CTNNBL1: variants seen among roughly 807,000 people sequenced by gnomAD.
The protein encoded by CTNNBL1 is catenin beta like 1.
A neutral mutation model predicts 72.7 loss-of-function variants in CTNNBL1; 31 were observed. The ratio of observed to expected loss-of-function variants is 0.43; its 90% CI spans 0.32 to 0.58. The LOEUF (loss-of-function observed/expected upper bound fraction) is 0.58, where lower values mean the gene tolerates loss of function less well. CTNNBL1 is among the 20% of genes least tolerant of loss of function. CTNNBL1 has a pLI of 0.08. For synonymous variants in CTNNBL1, 240 were observed against 267.3 expected (o/e 0.90, Z 1.00); for missense variants, 534 against 725.1 (o/e 0.74, Z 3.03).
At chr20:37,787,124 ATT>A (rs556666829) in intron 10 of CTNNBL1, among the ~76,000 whole-genome samples, 23 of 129,168 alleles carry the variant, frequency 1.8e-4, no homozygotes, top group East Asian at 2.2e-4. Context: ...TATCCTTAGC[ATT>A]TTTTTTTTTT....
At chr20:37,839,310 T>C (rs2072281445) in intron 11 of CTNNBL1, among the ~76,000 whole-genome samples, 1 of 152,224 alleles carries the variant, frequency 6.6e-6, no homozygotes. Context: ...TGTTTGTTGT[T>C]CACACTGTGA....
intron 1 of CTNNBL1, among the ~76,000 whole-genome samples, chr20:37,721,945 A>G (rs1159217917): frequency 1.3e-5 from 2 of 152,186 alleles, no homozygotes; most frequent in African/African-American, 4.8e-5. Context: ...GTATTCATTT[A>G]TTCTCCTCTG....
intron 4 of CTNNBL1, 57 bp downstream of exon 4, chr20:37,746,664 A>G: frequency 6.3e-7 from 1 of 1,593,022 alleles, no homozygotes; most frequent in Non-Finnish European, 8.6e-7. Flanking sequence ...AAGTGCTGTT[A>G]CTCTTTCTCC....
chr20:37,770,619 C>T (rs1231882837), intron 7 of CTNNBL1, among the ~76,000 whole-genome samples: 1 of 151,630 alleles, frequency 6.6e-6, no homozygotes, highest in Admixed American at 6.6e-5. Flanking sequence ...GGCTTGGATG[C>T]CGTTACCCTT....
In CTNNBL1 at chr20:37,871,952, G is replaced by A. The variant is rs145282312; in HGVS notation, c.1631G>A (p.Arg544Gln). 2.0e-5 allele frequency: 32 copies of A among 1,613,914 alleles called. No homozygotes were observed. In the African/African-American group the frequency reaches 3.3e-4, roughly 17 times the overall value. The change falls in exon 16 of 16, where the codon CGG (arginine) becomes CAG (glutamine). Residue 544 changes from arginine to glutamine, a missense_variant. Physicochemically the swap from Arg to Gln is conservative, Grantham distance 43. Coordinates refer to ENST00000361383, the MANE Select transcript of CTNNBL1 (RefSeq NM_030877.5). ...TATGCAGAGAACATCGGGGACGGCC[G>A]GAGCCCGGAGTTCCGGGAGAACGAG... ...KEYAENIGDGRSPEFRENEQK... is the reference protein window; with the variant it reads ...KEYAENIGDGQSPEFRENEQK...
Position 37,860,286 on chromosome 20 carries a change from T to G in CTNNBL1, c.1545T>G (p.Val515=), listed in dbSNP as rs1363497075. ...TCCCTTATTAGATTCGCCAGAGGGT[T>G]CACCAGATCCTAAACATGCGAGGAA... The part of the protein sequence containing the change: ...NANVPQIRQR[V]HQILNMRGSS... Residue 515 remains valine, a synonymous_variant, in exon 15 of 16, where the codon GTT becomes GTG. Transcript: ENST00000361383. 1.2e-6 allele frequency: 2 copies of G among 1,614,012 alleles called. No individual in the cohort carries two copies. Among genetic ancestry groups the G allele is most frequent in the African/African-American group, 2.7e-5 (2 of 74,932 alleles).
In CTNNBL1 at chr20:37,733,041, A is replaced by G. The variant is rs143170003; in HGVS notation, c.193A>G (p.Arg65Gly). The change falls in exon 2 of 16, where the codon AGA becomes GGA. Residue 65 changes from arginine to glycine, a missense_variant. By Grantham distance (125) the Arg-to-Gly change is moderately radical. Coordinates refer to ENST00000361383, the MANE Select transcript of CTNNBL1 (RefSeq NM_030877.5). ...AAAAAGGCTGCTGCAGATTATTGAC[A>G]GAGATGGGGAAGAGGAAGAGGAAGA... ...DKKRLLQIIDRDGEEEEEEEE... is the reference protein window; with the variant it reads ...DKKRLLQIIDGDGEEEEEEEE... 21 of 1,613,564 alleles carry G rather than the reference A, an allele frequency of 1.3e-5. No individual in the cohort carries two copies. In the South Asian group the frequency reaches 1.6e-4, roughly 13 times the overall value.
chr20:37,803,552 T>C lies in CTNNBL1; in HGVS notation c.1213+504T>C, dbSNP rs569911145. On this transcript the variant is annotated intron_variant, in intron 11 of 15. Transcript: ENST00000361383. ...AAAATGCTGCCATGAATTGTGACGC[T>C]GTAACCAGAGTAGTTACTGCTAGGC... Among the ~76,000 whole-genome samples the C allele has an allele frequency of 9.8e-5, 15 of 152,332 alleles. No homozygotes were observed. The South Asian group carries it at 3.1e-3, about 32-fold the overall frequency.
intron 1 of CTNNBL1, among the ~76,000 whole-genome samples, chr20:37,696,988 C>G (rs763159011): frequency 6.6e-6 from 1 of 151,250 alleles, no homozygotes; most frequent in Non-Finnish European, 1.5e-5. Flanking sequence ...TTGAGACCAG[C>G]CTGACCAACA....
intron 13 of CTNNBL1, among the ~76,000 whole-genome samples, chr20:37,850,476 T>C (rs547527212): frequency 8.3e-6 from 1 of 120,822 alleles, no homozygotes; most frequent in Admixed American, 8.7e-5. Context: ...AACATGCGTA[T>C]GTGCTGAGAC....
chr20:37,745,593 G>A (rs2073255239), intron 3 of CTNNBL1, among the ~76,000 whole-genome samples: 1 of 152,144 alleles, frequency 6.6e-6, no homozygotes, highest in South Asian at 2.1e-4. Flanking sequence ...AGAAACTGAG[G>A]CATAGAGAGG....
chr20:37,722,582 T>C (rs2073050710), intron 1 of CTNNBL1, among the ~76,000 whole-genome samples: 1 of 152,210 alleles, frequency 6.6e-6, no homozygotes, highest in Admixed American at 6.5e-5. Flanking sequence ...TTGAATTCCG[T>C]GCTTTCTTTT....
intron 5 of CTNNBL1, among the ~76,000 whole-genome samples, chr20:37,764,582 A>T (rs1026161168): frequency 2.0e-5 from 3 of 152,224 alleles, no homozygotes; most frequent in Non-Finnish European, 4.4e-5. Context: ...CTCCATTAAG[A>T]GAAATACAGT....
chr20:37,805,194 G>T (rs2071944442), intron 11 of CTNNBL1, among the ~76,000 whole-genome samples: 1 of 152,214 alleles, frequency 6.6e-6, no homozygotes, highest in African/African-American at 2.4e-5. Context: ...CCGAGTGCCA[G>T]CCCTTCTCAC....
At chr20:37,819,901 G>A (rs1555831323) in intron 11 of CTNNBL1, among the ~76,000 whole-genome samples, 1 of 127,202 alleles carries the variant, frequency 7.9e-6, no homozygotes, top group South Asian at 2.5e-4. Context: ...TTGAGACACA[G>A]TTTCGCTCTG....
At chr20:37,770,711 C>T (rs967399577) in intron 7 of CTNNBL1, among the ~76,000 whole-genome samples, 21 of 152,240 alleles carry the variant, frequency 1.4e-4, no homozygotes, top group African/African-American at 4.6e-4. Flanking sequence ...ATGTAATCCT[C>T]GGGGCACAAA....
At chr20:37,796,998 G>T (rs958502257) in intron 10 of CTNNBL1, among the ~76,000 whole-genome samples, 3 of 152,146 alleles carry the variant, frequency 2.0e-5, no homozygotes, top group African/African-American at 7.2e-5. Flanking sequence ...TGTTGGAGCC[G>T]GCTCATGTAG....
chr20:37,714,180 G>GCAAT (rs2072965915), intron 1 of CTNNBL1, among the ~76,000 whole-genome samples: 1 of 152,094 alleles, frequency 6.6e-6, no homozygotes, highest in Admixed American at 6.5e-5. Flanking sequence ...CTCTCTATTG[G>GCAAT]AATTTCTTGA....
intron 1 of CTNNBL1, among the ~76,000 whole-genome samples, chr20:37,703,430 A>C (rs1219196678): frequency 2.6e-5 from 4 of 152,216 alleles, no homozygotes; most frequent in African/African-American, 9.6e-5. Context: ...TGAACTTGTC[A>C]GTGCTGTCTT....
Sources: gnomAD v4.1 joint callset for allele counts (sites outside exome capture counted in the v4.1 genomes callset) on GRCh38, gnomAD v4.1.1 for gene constraint, MANE v1.5 for transcripts, NCBI Gene and HGNC (gene_info 2026-07-23, HGNC 2026-07-21) for gene names.